CDH19: variants seen among roughly 807,000 people sequenced by gnomAD.
The protein encoded by CDH19 is cadherin-19.
A neutral mutation model predicts 64.2 loss-of-function variants in CDH19; 67 were observed. That is an observed-to-expected ratio of 1.04 (90% CI 0.86 to 1.28). CDH19 has a LOEUF of 1.28. CDH19 is among the 50% of genes most tolerant of loss of function. The probability of loss-of-function intolerance (pLI) is 0.00; values close to 1 mark genes in which losing one functional copy is unlikely to be tolerated. For missense variants in CDH19, 1,030 were observed against 929.0 expected (o/e 1.11, Z -1.41); for synonymous variants, 346 against 319.3 (o/e 1.08, Z -0.89).
rs1986602505 is a variant in CDH19, at chr18:66,535,018, C to G, written c.1304G>C (p.Trp435Ser). 2.0e-6 allele frequency: 3 copies of G among 1,510,718 alleles called. No homozygotes were observed. Among genetic ancestry groups the G allele is most frequent in the Non-Finnish European group, 2.7e-6 (3 of 1,113,752 alleles). The allele number at this position is 1,510,718 out of a possible 1,614,324, so 93.6% of individuals were successfully genotyped here. A position where few individuals can be genotyped will look rare whatever the true frequency, so the allele number is the denominator to read the frequency against. ...SNSLDREISA[W>S]YNLSITATEK... Reference sequence around the variant, plus strand: ...TGTGGCTGTAATACTTAGGTTGTACCAAGCACTGATTTCACGATCCAGTGA... The same window carrying G: ...TGTGGCTGTAATACTTAGGTTGTACGAAGCACTGATTTCACGATCCAGTGA... The change falls in exon 8 of 12, where the codon TGG becomes TCG. Residue 435 changes from tryptophan to serine, a missense_variant. Coordinates refer to ENST00000262150, the MANE Select transcript of CDH19 (RefSeq NM_021153.4).
chr18:66,532,506 A>G, intron 8 of CDH19: 1 of 268,154 alleles, frequency 3.7e-6, no homozygotes, highest in Non-Finnish European at 7.4e-6. Flanking sequence ...ACACACACAC[A>G]CACACACACA....
chr18:66,515,143 A>T (rs1985679031), intron 9 of CDH19, among the ~76,000 whole-genome samples: 1 of 151,880 alleles, frequency 6.6e-6, no homozygotes, highest in African/African-American at 2.4e-5. Flanking sequence ...AATGTTAAAC[A>T]AAAAGTTGGA....
At chr18:66,570,227 A>G (rs1049652310) in intron 2 of CDH19, among the ~76,000 whole-genome samples, 3 of 151,618 alleles carry the variant, frequency 2.0e-5, no homozygotes, top group African/African-American at 7.3e-5. Flanking sequence ...AAGTTTAGTA[A>G]TAAGTAAATA....
Position 66,516,786 on chromosome 18 carries a change from T to C in CDH19, c.1459-5101A>G, listed in dbSNP as rs1448271560. On this transcript the variant is annotated intron_variant, in intron 9 of 11. Coordinates refer to ENST00000262150, the MANE Select transcript of CDH19 (RefSeq NM_021153.4). ...GTCAGGTTCACTCTAGAAGAGAAGA[T>C]AGGTCCCTTAGGTTAGGTTCACTCT... is the stretch of plus-strand genomic sequence containing the variant. 1.6e-4 allele frequency among the ~76,000 whole-genome samples: 25 copies of C among 152,056 alleles called. 1 individual carries two copies. The highest frequency in any genetic ancestry group is 1.4e-3 in the Admixed American group (21 of 15,246).
At chr18:66,535,622 T>A (rs986394562) in intron 7 of CDH19, among the ~76,000 whole-genome samples, 2 of 147,032 alleles carry the variant, frequency 1.4e-5, no homozygotes, top group Non-Finnish European at 3.0e-5. Context: ...TATTTATATA[T>A]ATATATATAT....
chr18:66,536,213 G>A (rs1328922254), intron 7 of CDH19, among the ~76,000 whole-genome samples: 5 of 151,568 alleles, frequency 3.3e-5, no homozygotes, highest in Admixed American at 1.3e-4. Context: ...TATCAAGGAA[G>A]TTTACCATAA....
intron 9 of CDH19, among the ~76,000 whole-genome samples, chr18:66,514,207 A>T (rs779737489): frequency 6.6e-6 from 1 of 151,474 alleles, no homozygotes; most frequent in Non-Finnish European, 1.5e-5. Context: ...TATGAGTAGT[A>T]AGTGTAGCCC....
At chr18:66,569,371 T>C (rs1988028042) in intron 2 of CDH19, among the ~76,000 whole-genome samples, 1 of 151,744 alleles carries the variant, frequency 6.6e-6, no homozygotes, top group East Asian at 1.9e-4. Context: ...CAGAGTCATA[T>C]GGTCTTTGTG....
At chr18:66,538,823 C>T (rs191470898) in intron 7 of CDH19, among the ~76,000 whole-genome samples, 27 of 152,150 alleles carry the variant, frequency 1.8e-4, no homozygotes, top group East Asian at 3.9e-4. Flanking sequence ...GTAGACGCAT[C>T]GCTCTGATCT....
chr18:66,510,882 T>C (rs1417647236), intron 10 of CDH19, among the ~76,000 whole-genome samples: 6 of 151,636 alleles, frequency 4.0e-5, no homozygotes, highest in Non-Finnish European at 8.9e-5. Flanking sequence ...TTACAGATAC[T>C]TGAGTAATAA....
intron 3 of CDH19, among the ~76,000 whole-genome samples, chr18:66,558,464 A>G (rs1987602478): frequency 6.6e-6 from 1 of 151,852 alleles, no homozygotes; most frequent in South Asian, 2.1e-4. Flanking sequence ...TTTTAAAGAG[A>G]ATTAAGCCTG....
rs953189041 is a variant in CDH19 at position 66,504,555 on chromosome 18, T to A, written c.*257A>T. The A allele has an allele frequency of 5.1e-5, 18 of 354,648 alleles. No individual in the cohort carries two copies. The highest frequency in any genetic ancestry group is 8.2e-5 in the Non-Finnish European group (16 of 195,576). The allele number at this position is 354,648 out of a possible 1,614,324, so 22.0% of individuals were successfully genotyped here. On this transcript the variant is annotated 3_prime_UTR_variant, in exon 12 of 12. Coordinates refer to ENST00000262150, the MANE Select transcript of CDH19 (RefSeq NM_021153.4). ...TGTGTCCTCTCATCTACTTTTAATATCTTCCTAAATTATTTTACTTCAAAT... is the reference window on the plus strand; with the variant it reads ...TGTGTCCTCTCATCTACTTTTAATAACTTCCTAAATTATTTTACTTCAAAT...
At chr18:66,586,580 T>C (rs1485895410) in intron 1 of CDH19, among the ~76,000 whole-genome samples, 1 of 152,032 alleles carries the variant, frequency 6.6e-6, no homozygotes, top group Admixed American at 6.6e-5. Flanking sequence ...AAAGTGTCTA[T>C]AAACAGTCCC....
intron 2 of CDH19, among the ~76,000 whole-genome samples, chr18:66,569,185 GATA>G (rs375220706): frequency 1.9e-3 from 295 of 151,698 alleles, no homozygotes; most frequent in African/African-American, 6.5e-3. Flanking sequence ...GGTTCATAAA[GATA>G]ATGATAATCT....
At chr18:66,521,786 T>C (rs1445060550) in intron 9 of CDH19, among the ~76,000 whole-genome samples, 1 of 151,930 alleles carries the variant, frequency 6.6e-6, no homozygotes, top group East Asian at 1.9e-4. Flanking sequence ...TGGACTTGAG[T>C]GCTGCTCTTA....
At chr18:66,563,628 A>G (rs1162556642) in intron 3 of CDH19, among the ~76,000 whole-genome samples, 1 of 151,998 alleles carries the variant, frequency 6.6e-6, no homozygotes, top group Non-Finnish European at 1.5e-5. Flanking sequence ...ACTCCTTCAC[A>G]TTGGGAACTT....
At chr18:66,517,968 T>A (rs2144369757) in intron 9 of CDH19, among the ~76,000 whole-genome samples, 1 of 152,056 alleles carries the variant, frequency 6.6e-6, no homozygotes. Flanking sequence ...AATTTTTCTT[T>A]TTTTCAGTGA....
At chr18:66,588,632 A>C (rs76814385) in intron 1 of CDH19, among the ~76,000 whole-genome samples, 4,123 of 142,344 alleles carry the variant, frequency 0.029, 359 homozygotes, top group African/African-American at 0.094. Context: ...ATATCTATAT[A>C]TATATAGATA....
rs547727028 is a variant in CDH19 at position 66,563,677 on chromosome 18, C to G, written c.490+4739G>C. ...AAGGATAATTATTTTTCTACCAGTA[C>G]TGACTGACCCATTCTTGCTGCATTT... is the stretch of plus-strand genomic sequence containing the variant. On this transcript the variant is annotated intron_variant, in intron 3 of 11. Transcript: ENST00000262150. Among the ~76,000 whole-genome samples, 7 of 152,036 alleles carry G rather than the reference C, an allele frequency of 4.6e-5. No individual in the cohort carries two copies. In the East Asian group the frequency reaches 1.4e-3, roughly 29 times the overall value.
Sources: allele counts gnomAD v4.1 joint callset (sites outside exome capture counted in the v4.1 genomes callset), GRCh38; gene constraint gnomAD v4.1.1; transcripts MANE v1.5; gene names NCBI Gene and HGNC (gene_info 2026-07-23, HGNC 2026-07-21).